TBC1D22B: variants seen among roughly 807,000 people sequenced by gnomAD.
TBC1D22B encodes the protein chromosome 6 open reading frame 197.
TBC1D22B carries 32 observed loss-of-function variants against 69.1 expected under a neutral mutation model. The ratio of observed to expected loss-of-function variants is 0.46; its 90% CI spans 0.35 to 0.62. TBC1D22B has a LOEUF of 0.62. Among genes scored for constraint, TBC1D22B ranks in the 20% least tolerant of loss-of-function variants. The pLI is 0.00. For synonymous variants in TBC1D22B, 206 were observed against 229.8 expected (o/e 0.90, Z 0.94); for missense variants, 462 against 630.9 (o/e 0.73, Z 2.87).
At chr6:37,308,172 T>C (rs1767794912) in intron 8 of TBC1D22B, among the ~76,000 whole-genome samples, 1 of 152,190 alleles carries the variant, frequency 6.6e-6, no homozygotes, top group African/African-American at 2.4e-5. Context: ...TCCCTTAAAA[T>C]CTTGTTTCCT....
At chr6:37,306,581 T>C (rs921022398) in intron 8 of TBC1D22B, among the ~76,000 whole-genome samples, 1 of 152,190 alleles carries the variant, frequency 6.6e-6, no homozygotes, top group Admixed American at 6.5e-5. Flanking sequence ...TGGGATCCTA[T>C]AGCCAATGTC....
intron 8 of TBC1D22B, among the ~76,000 whole-genome samples, chr6:37,309,193 A>G (rs1306373013): frequency 6.6e-6 from 1 of 151,328 alleles, no homozygotes; most frequent in Non-Finnish European, 1.5e-5. Flanking sequence ...CATTTGTGCA[A>G]AGTCACATAG....
At chr6:37,310,827 G>A (rs1767888246) in intron 8 of TBC1D22B, among the ~76,000 whole-genome samples, 1 of 151,994 alleles carries the variant, frequency 6.6e-6, no homozygotes, top group Non-Finnish European at 1.5e-5. Context: ...CTAAAATACT[G>A]TGCATATAAA....
chr6:37,298,539 G>GTTTTTTT (rs34996865), intron 8 of TBC1D22B, among the ~76,000 whole-genome samples: 1 of 71,216 alleles, frequency 1.4e-5, no homozygotes, highest in African/African-American at 6.1e-5. Flanking sequence ...GTTGCCTACA[G>GTTTTTTT]TTTTTTTTTT....
At chr6:37,287,845 A>G (rs1473320314) in intron 7 of TBC1D22B, among the ~76,000 whole-genome samples, 1 of 152,190 alleles carries the variant, frequency 6.6e-6, no homozygotes, top group Non-Finnish European at 1.5e-5. Flanking sequence ...GGGTATGTGA[A>G]TATCTGTTTG....
At chr6:37,262,488 C>A (rs199905442) in intron 1 of TBC1D22B, among the ~76,000 whole-genome samples, 1 of 152,150 alleles carries the variant, frequency 6.6e-6, no homozygotes, top group African/African-American at 2.4e-5. Flanking sequence ...TGGCCAAAAT[C>A]GAAATTACCT....
At chr6:37,313,134 A>G in intron 9 of TBC1D22B, 110 bp downstream of exon 9, 2 of 777,184 alleles carry the variant, frequency 2.6e-6, no homozygotes, top group South Asian at 1.4e-5. Flanking sequence ...CCACCCACCC[A>G]CTATGGCTCC....
At chr6:37,318,743 G>A (rs565092302) in intron 12 of TBC1D22B, among the ~76,000 whole-genome samples, 6 of 152,254 alleles carry the variant, frequency 3.9e-5, no homozygotes, top group African/African-American at 1.4e-4. Flanking sequence ...AACTCAAGAA[G>A]GGCCTATGTT....
At chr6:37,268,761 T>G (rs1441163872) in intron 1 of TBC1D22B, among the ~76,000 whole-genome samples, 1 of 152,238 alleles carries the variant, frequency 6.6e-6, no homozygotes, top group Admixed American at 6.5e-5. Context: ...CTTTTGTCAG[T>G]TTTTGAAGTC....
chr6:37,313,616 T>A (rs1188907997), intron 9 of TBC1D22B, among the ~76,000 whole-genome samples, 200 bp from the exon 10 acceptor site: 5 of 152,236 alleles, frequency 3.3e-5, no homozygotes, highest in Non-Finnish European at 7.3e-5. Context: ...GCACATGGGT[T>A]TGCTTCCACA....
chr6:37,316,811 G>T lies in TBC1D22B; in HGVS notation c.1274G>T (p.Arg425Leu). Reference sequence around the variant, plus strand: ...GAGCTTCCTCTTCGCTGCACCATCCGCCTGTGGGACACATATCAGGTAGGA... The same window carrying T: ...GAGCTTCCTCTTCGCTGCACCATCCTCCTGTGGGACACATATCAGGTAGGA... ...MRELPLRCTI[R>L]LWDTYQSEPE... The change falls in exon 11 of 13, where the codon CGC becomes CTC. Residue 425 changes from arginine (R) to leucine (L), a missense_variant. By Grantham distance (102) the Arg-to-Leu change is moderately radical (BLOSUM62 -2). Around this residue, in one of 2 missense-constraint regions of TBC1D22B, gnomAD observed 225 missense variants for 375.4 expected, o/e 0.60. Transcript: ENST00000373491. 6.2e-7 allele frequency: 1 copy of T among 1,614,204 alleles called. No homozygotes were observed. The highest frequency in any genetic ancestry group is 8.5e-7 in the Non-Finnish European group (1 of 1,180,040).
intron 8 of TBC1D22B, among the ~76,000 whole-genome samples, chr6:37,296,078 T>C (rs1203092087): frequency 6.6e-6 from 1 of 152,086 alleles, no homozygotes; most frequent in Non-Finnish European, 1.5e-5. Context: ...CAGATGATTG[T>C]TAGCACTTTT....
chr6:37,268,565 A>G (rs1766379628), intron 1 of TBC1D22B, among the ~76,000 whole-genome samples: 1 of 152,226 alleles, frequency 6.6e-6, no homozygotes, highest in African/African-American at 2.4e-5. Flanking sequence ...CGAAAAGCAC[A>G]TGAAGCACAA....
At chr6:37,282,822 G>A (rs187311422) in intron 4 of TBC1D22B, 60 bp from the exon 5 acceptor site, 2 of 1,514,228 alleles carry the variant, frequency 1.3e-6, no homozygotes, top group East Asian at 2.3e-5. Context: ...AGTGCTGGTT[G>A]CGGTTTGCTT....
At chr6:37,261,965 G>A (rs866053879) in intron 1 of TBC1D22B, among the ~76,000 whole-genome samples, 1 of 138,284 alleles carries the variant, frequency 7.2e-6, no homozygotes, top group Non-Finnish European at 1.5e-5. Flanking sequence ...GTGTGTGTGT[G>A]TGTGTGTGTG....
intron 1 of TBC1D22B, among the ~76,000 whole-genome samples, chr6:37,265,885 C>T (rs1766256598): frequency 6.6e-6 from 1 of 152,052 alleles, no homozygotes; most frequent in Non-Finnish European, 1.5e-5. Flanking sequence ...TAAGAGCATC[C>T]TTTAGGATCA....
chr6:37,280,488 T>G (rs918921178), intron 3 of TBC1D22B, among the ~76,000 whole-genome samples: 2 of 152,228 alleles, frequency 1.3e-5, no homozygotes, highest in Non-Finnish European at 2.9e-5. Flanking sequence ...ATCACTGATT[T>G]GGGCTCTAGC....
At position 37,309,650 on chromosome 6, in the gene TBC1D22B, G is replaced by A. The variant is rs185858275; in HGVS notation, c.983-3268G>A. The stretch of plus-strand genomic sequence containing the variant: ...AAAGGGCTCTCCTCCCTTGTGCACC[G>A]TTGTGAGGCTAGTCCTGGAGAAGAG... On this transcript the variant is annotated intron_variant, in intron 8 of 12. Coordinates refer to ENST00000373491, the MANE Select transcript of TBC1D22B (RefSeq NM_017772.4). Among the ~76,000 whole-genome samples, 16 of 152,230 alleles carry A rather than the reference G, an allele frequency of 1.1e-4. No individual in the cohort carries two copies. The East Asian group carries it at 2.3e-3, about 22-fold the overall frequency.
chr6:37,286,944 C>CA (rs372046079), intron 6 of TBC1D22B, 63 bp from the exon 7 acceptor site: 1 of 1,502,528 alleles, frequency 6.7e-7, no homozygotes, highest in Non-Finnish European at 9.1e-7. Flanking sequence ...GACTTCATCT[C>CA]AAAAAAACAA....
Sources: gnomAD v4.1 joint callset for allele counts (sites outside exome capture counted in the v4.1 genomes callset) on GRCh38, gnomAD v4.1.1 for gene constraint, gnomAD v4.1.1 regional missense constraint, MANE v1.5 for transcripts, NCBI Gene and HGNC (gene_info 2026-07-23, HGNC 2026-07-21) for gene names.